The following RSPH14 variants were observed in gnomAD, a reference collection of about 807,000 sequenced individuals.
The protein encoded by RSPH14 is rhabdoid tumor deletion region gene 1.
A neutral mutation model predicts 26.7 loss-of-function variants in RSPH14; 20 were observed. The ratio of observed to expected loss-of-function variants is 0.75; its 90% CI spans 0.53 to 1.09. The LOEUF is 1.09. Among genes scored for constraint, RSPH14 ranks in the 50% least tolerant of loss-of-function variants. The pLI, the probability that RSPH14 is intolerant of heterozygous loss-of-function variation, is 0.00. For synonymous variants in RSPH14, 177 were observed against 189.3 expected (o/e 0.93, Z 0.53); for missense variants, 449 against 457.2 (o/e 0.98, Z 0.16).
intron 4 of RSPH14, among the ~76,000 whole-genome samples, chr22:23,070,168 T>G (rs2068307645): frequency 6.6e-6 from 1 of 151,832 alleles, no homozygotes. Flanking sequence ...TACTGGCCCG[T>G]CCGTCAGCTG....
intron 4 of RSPH14, among the ~76,000 whole-genome samples, chr22:23,064,812 C>G (rs2068169736): frequency 6.6e-6 from 1 of 152,152 alleles, no homozygotes; most frequent in African/African-American, 2.4e-5. Flanking sequence ...CACAATGAGG[C>G]AAGGCTCCCC....
chr22:23,150,177 G>C, the RSPH14 span: 5 of 1,578,392 alleles, frequency 3.2e-6, no homozygotes, highest in Non-Finnish European at 4.3e-6. Context: ...GGTGTGGGAT[G>C]GGGGAGCAGG....
At chr22:23,091,393 C>T (rs1302302941) in intron 4 of RSPH14, among the ~76,000 whole-genome samples, 1 of 152,058 alleles carries the variant, frequency 6.6e-6, no homozygotes, top group Non-Finnish European at 1.5e-5. Flanking sequence ...CCTGCATACA[C>T]ACAGGCACCT....
At chr22:23,153,448 C>T in the RSPH14 span, 1 of 471,540 alleles carries the variant, frequency 2.1e-6, no homozygotes, top group Non-Finnish European at 2.8e-6. Flanking sequence ...TGACCTAGGC[C>T]TCCTGTGATC....
chr22:23,161,760 A>G, the RSPH14 span: 1 of 570,996 alleles, frequency 1.8e-6, no homozygotes, highest in Non-Finnish European at 3.1e-6. Context: ...TGGGCACTAG[A>G]AAAGGCCCCC....
the RSPH14 span, among the ~76,000 whole-genome samples, chr22:23,165,955 G>A: frequency 2.0e-5 from 3 of 152,020 alleles, no homozygotes; most frequent in South Asian, 2.1e-4. Context: ...GACCATCCTG[G>A]CTAACATGGT....
the RSPH14 span, among the ~76,000 whole-genome samples, chr22:23,155,491 A>G: frequency 6.6e-6 from 1 of 152,104 alleles, no homozygotes; most frequent in Non-Finnish European, 1.5e-5. Context: ...TCCAACTCCT[A>G]CTTTGGGACC....
At chr22:23,158,002 G>A in the RSPH14 span, 33 of 1,614,032 alleles carry the variant, frequency 2.0e-5, no homozygotes, top group Middle Eastern at 1.6e-4. Flanking sequence ...TGATCATCAC[G>A]GCCTTTGACC....
In RSPH14 at chr22:23,136,696, A is replaced by G. The variant is rs769882655; in HGVS notation, c.302+2144T>C. On this transcript the variant is annotated intron_variant, in intron 3 of 6. Transcript: ENST00000216036. Reference sequence around the variant, plus strand: ...ATTGCAAAACTGCAATTACTTTTGCACTAACCTGATAATTGCTCAGGCTTC... The same window carrying G: ...ATTGCAAAACTGCAATTACTTTTGCGCTAACCTGATAATTGCTCAGGCTTC... 2.2e-5 allele frequency among the ~76,000 whole-genome samples: 3 copies of G among 139,294 alleles called. 1 individual carries two copies. Among genetic ancestry groups the G allele is most frequent in the Non-Finnish European group, 4.8e-5 (3 of 62,430 alleles). The allele number at this position is 139,294 out of a possible 152,430, so 91.4% of individuals were successfully genotyped here.
upstream of RSPH14, chr22:23,146,566 A>G (rs751154717): frequency 9.3e-6 from 15 of 1,605,980 alleles, no homozygotes; most frequent in South Asian, 9.9e-5. Context: ...AGGTATTTGC[A>G]CAGCTCCTTA....
chr22:23,078,082 T>C (rs1030049749), intron 4 of RSPH14, among the ~76,000 whole-genome samples: 1 of 152,222 alleles, frequency 6.6e-6, no homozygotes, highest in African/African-American at 2.4e-5. Flanking sequence ...GTAGAGTGGC[T>C]ACCAGGACCC....
chr22:23,111,073 G>C (rs899081675), intron 4 of RSPH14, among the ~76,000 whole-genome samples: 2 of 152,212 alleles, frequency 1.3e-5, no homozygotes, highest in African/African-American at 2.4e-5. Flanking sequence ...ATCATTTGCT[G>C]GGGGGCCTGC....
chr22:23,136,528 C>T (rs2070488281), intron 3 of RSPH14, among the ~76,000 whole-genome samples: 3 of 138,654 alleles, frequency 2.2e-5, no homozygotes, highest in African/African-American at 7.7e-5. Context: ...ATGGTCACTT[C>T]ACCATGTCTT....
the RSPH14 span, among the ~76,000 whole-genome samples, chr22:23,154,618 T>C: frequency 6.6e-6 from 1 of 152,122 alleles, no homozygotes; most frequent in Non-Finnish European, 1.5e-5. Flanking sequence ...ACAGGCCATA[T>C]CTCATTAGAG....
intron 4 of RSPH14, chr22:23,095,442 C>T (rs575551842): frequency 3.7e-4 from 192 of 514,644 alleles, no homozygotes; most frequent in Non-Finnish European, 5.5e-4. Flanking sequence ...GCAAATCAGG[C>T]CACTTTGCCA....
rs191523724 is a variant in RSPH14, at chr22:23,112,741, G to A, written c.421+21285C>T. On this transcript the variant is annotated intron_variant, in intron 4 of 6. Coordinates refer to ENST00000216036, the MANE Select transcript of RSPH14 (RefSeq NM_014433.3). ...GTAGACTGGCTGCAATGGGGAGCCTGGCCAGGAGAAGCCAGAGACGGACAC... is the reference window on the plus strand; with the variant it reads ...GTAGACTGGCTGCAATGGGGAGCCTAGCCAGGAGAAGCCAGAGACGGACAC... Among the ~76,000 whole-genome samples, 372 of 152,286 alleles carry A rather than the reference G, an allele frequency of 2.4e-3. 2 individuals are homozygous for A. Among genetic ancestry groups the A allele is most frequent in the African/African-American group, 8.8e-3 (364 of 41,540 alleles).
chr22:23,110,159 G>C (rs985625359), intron 4 of RSPH14, among the ~76,000 whole-genome samples: 9 of 152,204 alleles, frequency 5.9e-5, no homozygotes, highest in African/African-American at 2.2e-4. Context: ...CGGGCTGTCT[G>C]GTGCTTTCCT....
chr22:23,088,298 T>G (rs2068870437), intron 4 of RSPH14, among the ~76,000 whole-genome samples: 1 of 152,176 alleles, frequency 6.6e-6, no homozygotes, highest in Non-Finnish European at 1.5e-5. Flanking sequence ...CTCTGAGCTG[T>G]GGGCTGGCTT....
chr22:23,166,812 A>C, the RSPH14 span, among the ~76,000 whole-genome samples: 1 of 152,012 alleles, frequency 6.6e-6, no homozygotes, highest in Non-Finnish European at 1.5e-5. Flanking sequence ...CCCACCACCC[A>C]CTGGAACCCA....
Sources: allele counts gnomAD v4.1 joint callset (sites outside exome capture counted in the v4.1 genomes callset), GRCh38; gene constraint gnomAD v4.1.1; transcripts MANE v1.5; gene names NCBI Gene and HGNC (gene_info 2026-07-23, HGNC 2026-07-21).